The following DCC variants were observed in gnomAD, a reference collection of about 807,000 sequenced individuals.
DCC encodes DCC netrin 1 receptor, also known as netrin receptor DCC.
A neutral mutation model predicts 172.5 loss-of-function variants in DCC; 58 were observed. That is an observed-to-expected ratio of 0.34 (90% CI 0.27 to 0.42). The LOEUF (loss-of-function observed/expected upper bound fraction) is 0.42. Among genes scored for constraint, DCC ranks in the 10% least tolerant of loss-of-function variants. The probability of loss-of-function intolerance (pLI) is 1.00; values close to 1 mark genes in which losing one functional copy is unlikely to be tolerated. For synonymous variants in DCC, 709 were observed against 644.5 expected, an observed-to-expected ratio of 1.10 and a Z score of -1.52; for missense variants, 1,740 against 1,791.0, an observed-to-expected ratio of 0.97 and a Z score of 0.51.
chr18:53,389,035 C>G (rs756666132), intron 16 of DCC, among the ~76,000 whole-genome samples: 15 of 152,272 alleles, frequency 9.9e-5, no homozygotes, highest in Non-Finnish European at 1.8e-4. Context: ...CCTTCTGCCT[C>G]AGCCTTCCAA....
At chr18:53,195,202 T>A (rs564995977) in intron 9 of DCC, among the ~76,000 whole-genome samples, 1 of 152,282 alleles carries the variant, frequency 6.6e-6, no homozygotes, top group South Asian at 2.1e-4. Flanking sequence ...CTGAAATGTT[T>A]TTTAAAAAAG....
intron 12 of DCC, among the ~76,000 whole-genome samples, chr18:53,293,556 T>C (rs937571398): frequency 2.2e-4 from 33 of 152,168 alleles, no homozygotes; most frequent in African/African-American, 8.0e-4. Flanking sequence ...GTTGTACAGA[T>C]TATTTTGTCA....
intron 1 of DCC, among the ~76,000 whole-genome samples, chr18:52,553,156 A>G (rs1413985863): frequency 6.6e-6 from 1 of 152,064 alleles, no homozygotes; most frequent in Admixed American, 6.6e-5. Flanking sequence ...TTCTGATTAG[A>G]GAGAAATGTA....
At chr18:53,231,783 A>G (rs905383305) in intron 12 of DCC, among the ~76,000 whole-genome samples, 8 of 152,140 alleles carry the variant, frequency 5.3e-5, no homozygotes, top group African/African-American at 1.7e-4. Context: ...TTCTACCTTT[A>G]TCAGTCTTCA....
intron 1 of DCC, among the ~76,000 whole-genome samples, chr18:52,639,459 A>C (rs1338782881): frequency 6.6e-6 from 1 of 152,198 alleles, no homozygotes; most frequent in Non-Finnish European, 1.5e-5. Context: ...AACCTCACTG[A>C]GAAATAAAAC....
intron 5 of DCC, among the ~76,000 whole-genome samples, chr18:53,021,012 T>TG (rs2041872635): frequency 6.6e-6 from 1 of 152,172 alleles, no homozygotes. Flanking sequence ...CAACCAGCTG[T>TG]GGCTTAGAAG....
intron 1 of DCC, among the ~76,000 whole-genome samples, chr18:52,496,019 A>C (rs1372231640): frequency 6.6e-6 from 1 of 152,150 alleles, no homozygotes; most frequent in African/African-American, 2.4e-5. Context: ...TAGCTATACT[A>C]AATGCCTTAC....
chr18:52,961,576 T>G (rs1360523160), intron 5 of DCC, among the ~76,000 whole-genome samples: 3 of 152,198 alleles, frequency 2.0e-5, no homozygotes, highest in Non-Finnish European at 4.4e-5. Flanking sequence ...AGCCACCATC[T>G]GCATGATACC....
At chr18:52,798,794 C>T (rs1039086904) in intron 2 of DCC, among the ~76,000 whole-genome samples, 3 of 151,722 alleles carry the variant, frequency 2.0e-5, no homozygotes. Context: ...CTCTTGTTGC[C>T]CAGGCTGGAG....
chr18:53,231,920 T>C (rs2056127127), intron 12 of DCC, among the ~76,000 whole-genome samples: 1 of 152,170 alleles, frequency 6.6e-6, no homozygotes, highest in Non-Finnish European at 1.5e-5. Context: ...TTTCCAATAG[T>C]TCATTTGACG....
chr18:52,459,325 T>C (rs773317808), intron 1 of DCC, among the ~76,000 whole-genome samples: 18 of 151,664 alleles, frequency 1.2e-4, no homozygotes, highest in Non-Finnish European at 2.4e-4. Flanking sequence ...CCAACAGTTA[T>C]TTTTTCTGAT....
intron 1 of DCC, among the ~76,000 whole-genome samples, chr18:52,575,304 A>G (rs557165230): frequency 3.2e-4 from 48 of 152,324 alleles, no homozygotes; most frequent in African/African-American, 1.1e-3. Flanking sequence ...TACATACTCT[A>G]TGCTTATACT....
chr18:53,125,630 G>T (rs533655707), intron 7 of DCC, among the ~76,000 whole-genome samples: 1 of 152,034 alleles, frequency 6.6e-6, no homozygotes, highest in Admixed American at 6.6e-5. Context: ...TAAACAAATG[G>T]TTCCATAGAA....
chr18:52,383,405 A>G lies in DCC; in HGVS notation c.91+42527A>G, dbSNP rs375166594. 6.0e-4 allele frequency among the ~76,000 whole-genome samples: 91 copies of G among 152,168 alleles called. 4 individuals are homozygous for G. In the South Asian group the frequency reaches 0.018, roughly 31 times the overall value. On this transcript the variant is annotated intron_variant, in intron 1 of 28. Coordinates refer to ENST00000442544, the MANE Select transcript of DCC (RefSeq NM_005215.4). ...TTATATTTTTATGTGATGGTTAGAC[A>G]ACTGTACTTCTGTGAATTATCTATT... is the stretch of plus-strand genomic sequence containing the variant.
At chr18:52,399,585 T>C (rs1986360041) in intron 1 of DCC, among the ~76,000 whole-genome samples, 1 of 151,958 alleles carries the variant, frequency 6.6e-6, no homozygotes, top group Non-Finnish European at 1.5e-5. Context: ...GAGTCACATC[T>C]GGCTTTTCTT....
chr18:53,478,496 TTTGGGCAGTATC>T (rs1479192461), intron 25 of DCC, among the ~76,000 whole-genome samples: 31 of 152,300 alleles, frequency 2.0e-4, no homozygotes, highest in African/African-American at 7.0e-4. Context: ...ATGAGAGGTT[TTTGGGCAGTATC>T]TTGAATTTTA....
intron 14 of DCC, among the ~76,000 whole-genome samples, chr18:53,329,059 T>C (rs1384950361): frequency 6.6e-6 from 1 of 152,162 alleles, no homozygotes; most frequent in Non-Finnish European, 1.5e-5. Context: ...TATAATTTAA[T>C]GGGGCATCAT....
intron 14 of DCC, among the ~76,000 whole-genome samples, chr18:53,331,509 G>T (rs2057529432): frequency 6.6e-6 from 1 of 152,160 alleles, no homozygotes; most frequent in Non-Finnish European, 1.5e-5. Context: ...ACAATCCCCA[G>T]ATATTGAAGG....
chr18:52,607,221 C>A (rs115014646), intron 1 of DCC, among the ~76,000 whole-genome samples: 1 of 152,060 alleles, frequency 6.6e-6, no homozygotes, highest in South Asian at 2.1e-4. Flanking sequence ...AAAGAGATGA[C>A]CACTCTGAGC....
Sources: gnomAD v4.1 joint callset for allele counts (sites outside exome capture counted in the v4.1 genomes callset) on GRCh38, gnomAD v4.1.1 for gene constraint, MANE v1.5 for transcripts, NCBI Gene and HGNC (gene_info 2026-07-23, HGNC 2026-07-21) for gene names.